The following TTLL6 variants were observed in gnomAD, a reference collection of about 807,000 sequenced individuals.
TTLL6 encodes the protein tubulin polyglutamylase TTLL6.
A neutral mutation model predicts 96.4 loss-of-function variants in TTLL6; 75 were observed. The observed-to-expected ratio is 0.78, with a 90% CI of 0.65 to 0.94. The LOEUF is 0.94. Among genes scored for constraint, TTLL6 ranks in the 40% least tolerant of loss-of-function variants. The pLI is 0.00. For synonymous variants in TTLL6, 411 were observed against 419.4 expected (o/e 0.98, Z 0.24); for missense variants, 1,030 against 1,093.0 (o/e 0.94, Z 0.81).
intron 7 of TTLL6, among the ~76,000 whole-genome samples, chr17:48,796,693 T>TA (rs1419180672): frequency 2.0e-5 from 3 of 151,948 alleles, no homozygotes; most frequent in African/African-American, 7.2e-5. Context: ...TCAGGAGTCC[T>TA]GGGGGTCCAG....
At position 48,773,027 on chromosome 17, in the gene TTLL6, A is replaced by G. The variant is rs1453085221; in HGVS notation, c.2041-2930T>C. 2.6e-5 allele frequency among the ~76,000 whole-genome samples: 4 copies of G among 152,200 alleles called. No individual in the cohort carries two copies. The East Asian group carries it at 5.8e-4, about 22-fold the overall frequency. Reference sequence around the variant, plus strand: ...TCAAAAAAATAAATAAAAAGAACTGAGTAGTATTTCTATAGGGCTTAAAGG... The same window carrying G: ...TCAAAAAAATAAATAAAAAGAACTGGGTAGTATTTCTATAGGGCTTAAAGG... On this transcript the variant is annotated intron_variant, in intron 13 of 15. Coordinates refer to ENST00000393382, the MANE Select transcript of TTLL6 (RefSeq NM_001130918.3).
At chr17:48,782,551 C>T (rs776323043) in intron 13 of TTLL6, among the ~76,000 whole-genome samples, 1 of 152,194 alleles carries the variant, frequency 6.6e-6, no homozygotes, top group Non-Finnish European at 1.5e-5. Context: ...GACATGGTCT[C>T]ATTTGTCTAT....
intron 13 of TTLL6, among the ~76,000 whole-genome samples, chr17:48,779,172 A>G (rs2038939248): frequency 6.6e-6 from 1 of 151,946 alleles, no homozygotes; most frequent in Non-Finnish European, 1.5e-5. Context: ...ACCAGTAAAC[A>G]TCAGGGAAAT....
intron 8 of TTLL6, among the ~76,000 whole-genome samples, chr17:48,795,823 TTA>T (rs1213107015): frequency 8.5e-5 from 13 of 152,176 alleles, no homozygotes; most frequent in African/African-American, 3.1e-4. Context: ...CAGCTCATGT[TTA>T]TCTCTCCTCC....
chr17:48,797,025 G>A (rs1038686037), intron 7 of TTLL6, 36 bp downstream of exon 7: 24 of 1,531,074 alleles, frequency 1.6e-5, no homozygotes, highest in Admixed American at 2.2e-5. Flanking sequence ...ATCACGCTAT[G>A]GGGGTAGGGT....
At chr17:48,782,105 CTTTTTTT>C (rs34486928) in intron 13 of TTLL6, among the ~76,000 whole-genome samples, 3 of 122,606 alleles carry the variant, frequency 2.4e-5, no homozygotes, top group Non-Finnish European at 5.1e-5. Context: ...TTTTTCTTTT[CTTTTTTT>C]TTTTTTTTTT....
chr17:48,776,404 T>G (rs1403123713), intron 13 of TTLL6, among the ~76,000 whole-genome samples: 2 of 152,168 alleles, frequency 1.3e-5, no homozygotes, highest in African/African-American at 2.4e-5. Context: ...GAGGTTGCAG[T>G]GAGCCGAGAT....
intron 3 of TTLL6, among the ~76,000 whole-genome samples, chr17:48,802,645 C>A (rs1002650747): frequency 1.3e-5 from 2 of 152,092 alleles, no homozygotes; most frequent in Non-Finnish European, 2.9e-5. Flanking sequence ...CCAAGGTGGG[C>A]GGATCACCTG....
intron 10 of TTLL6, among the ~76,000 whole-genome samples, chr17:48,788,529 A>G (rs1402632868): frequency 3.3e-5 from 5 of 152,226 alleles, no homozygotes; most frequent in African/African-American, 4.8e-5. Flanking sequence ...ATCCAGGGCC[A>G]AATAATGAGG....
At chr17:48,787,229 C>T (rs1448725402) in intron 11 of TTLL6, among the ~76,000 whole-genome samples, 3 of 152,164 alleles carry the variant, frequency 2.0e-5, no homozygotes, top group Non-Finnish European at 4.4e-5. Context: ...GTCCCTCCAG[C>T]TCCTGGAGTT....
At chr17:48,776,998 T>G (rs2038884979) in intron 13 of TTLL6, among the ~76,000 whole-genome samples, 1 of 137,318 alleles carries the variant, frequency 7.3e-6, no homozygotes, top group Non-Finnish European at 1.6e-5. Context: ...AATGTGGTAT[T>G]GGCATAAGGA....
In TTLL6 at chr17:48,795,827, C is replaced by T. The variant is rs552223849; in HGVS notation, c.998+234G>A. 4.7e-4 allele frequency among the ~76,000 whole-genome samples: 71 copies of T among 152,314 alleles called. 1 individual carries two copies. Among genetic ancestry groups the T allele is most frequent in the African/African-American group, 1.6e-3 (66 of 41,566 alleles). On this transcript the variant is annotated intron_variant, in intron 8 of 15. Transcript: ENST00000393382. ...TGCTGGGGAAACAGCTCATGTTTAT[C>T]TCTCCTCCTCCCAGCCTCCCAGGGT...
chr17:48,793,011 C>G, intron 8 of TTLL6, among the ~76,000 whole-genome samples: 1 of 152,166 alleles, frequency 6.6e-6, no homozygotes, highest in East Asian at 1.9e-4. Context: ...TTAATACCAG[C>G]CATGTGCTGA....
At chr17:48,785,346 A>C in intron 12 of TTLL6, 145 bp from the exon 13 acceptor site, 47 of 1,234,370 alleles carry the variant, frequency 3.8e-5, no homozygotes, top group South Asian at 4.6e-5. Flanking sequence ...TGGGGCTCTC[A>C]ACTTGGAATT....
intron 11 of TTLL6, among the ~76,000 whole-genome samples, chr17:48,787,527 A>C (rs1280316910): frequency 1.3e-5 from 2 of 152,062 alleles, no homozygotes; most frequent in Non-Finnish European, 2.9e-5. Context: ...AGTAGCTGGG[A>C]GTATAGGCAC....
intron 7 of TTLL6, among the ~76,000 whole-genome samples, chr17:48,796,567 C>T (rs1377018114): frequency 6.6e-6 from 1 of 150,500 alleles, no homozygotes; most frequent in Non-Finnish European, 1.5e-5. Context: ...TGCAATGAGC[C>T]GAGATCATGC....
chr17:48,784,209 C>G (rs190047031), intron 13 of TTLL6, among the ~76,000 whole-genome samples: 1 of 152,142 alleles, frequency 6.6e-6, no homozygotes, highest in Non-Finnish European at 1.5e-5. Flanking sequence ...GAGTTCAAGA[C>G]CAGCCTGGGC....
intron 1 of TTLL6, among the ~76,000 whole-genome samples, chr17:48,813,381 C>G (rs1048936809): frequency 6.6e-6 from 1 of 151,982 alleles, no homozygotes; most frequent in African/African-American, 2.4e-5. Context: ...ATGGTGAAAC[C>G]CCACTCTACC....
chr17:48,785,251 C>A, intron 12 of TTLL6, 50 bp from the exon 13 acceptor site: 1 of 1,611,008 alleles, frequency 6.2e-7, no homozygotes, highest in Non-Finnish European at 8.5e-7. Context: ...CCAGCTCTAT[C>A]CACTTCCAGA....
Sources: gnomAD v4.1 joint callset for allele counts (sites outside exome capture counted in the v4.1 genomes callset) on GRCh38, gnomAD v4.1.1 for gene constraint, MANE v1.5 for transcripts, NCBI Gene and HGNC (gene_info 2026-07-23, HGNC 2026-07-21) for gene names.